Variants in LYRM4 observed in about 807,000 individuals in gnomAD.
LYRM4 encodes the protein LYR motif containing 4.
A neutral mutation model predicts 11.7 loss-of-function variants in LYRM4; 9 were observed. The observed-to-expected ratio is 0.77, with a 90% confidence interval of 0.46 to 1.34. LYRM4 has a LOEUF of 1.34. Among genes scored for constraint, LYRM4 ranks in the 40% most tolerant of loss-of-function variants. The pLI is 0.00. For missense variants in LYRM4, 133 were observed against 112.5 expected (o/e 1.18, Z -0.82); for synonymous variants, 42 against 40.4 (o/e 1.04, Z -0.15).
At chr6:5,065,422 C>T in the LYRM4 span, among the ~76,000 whole-genome samples, 3 of 152,186 alleles carry the variant, frequency 2.0e-5, no homozygotes, top group East Asian at 5.8e-4. Flanking sequence ...AACTGAAATG[C>T]AAAACAAATC....
At chr6:5,117,930 C>T (rs1429140286) in intron 2 of LYRM4, among the ~76,000 whole-genome samples, 3 of 151,868 alleles carry the variant, frequency 2.0e-5, no homozygotes, top group East Asian at 1.9e-4. Context: ...CCCTCCAAAA[C>T]GACGCACTGT....
At position 5,180,725 on chromosome 6, in the gene LYRM4, C is replaced by T. The variant is rs147937405; in HGVS notation, c.207+35893G>A. Among the ~76,000 whole-genome samples the T allele has an allele frequency of 1.3e-4, 20 of 152,320 alleles. No homozygotes were observed. In the South Asian group the frequency reaches 2.1e-3, roughly 16 times the overall value. On this transcript the variant is annotated intron_variant, in intron 2 of 2. Coordinates refer to ENST00000330636, the MANE Select transcript of LYRM4 (RefSeq NM_020408.6). Reference sequence around the variant, plus strand: ...CTGGTGACCAATCACTGCAGCGATGCTCTCGTGGATACCCTTGCTTCACCT... The same window carrying T: ...CTGGTGACCAATCACTGCAGCGATGTTCTCGTGGATACCCTTGCTTCACCT...
intron 2 of LYRM4, among the ~76,000 whole-genome samples, chr6:5,123,366 G>A (rs1367931525): frequency 2.6e-5 from 4 of 152,226 alleles, no homozygotes; most frequent in Non-Finnish European, 5.9e-5. Context: ...GGGACAGGGG[G>A]CGGTGAGCAG....
chr6:5,066,529 A>G, the LYRM4 span: 1 of 810,038 alleles, frequency 1.2e-6, no homozygotes, highest in Admixed American at 1.7e-5. Context: ...TCTATTTTAA[A>G]GAAGTCACAG....
At chr6:5,109,618 A>G (rs1762785956) in intron 2 of LYRM4, 127 bp from the exon 3 acceptor site, 1 of 911,902 alleles carries the variant, frequency 1.1e-6, no homozygotes, top group Non-Finnish European at 1.7e-6. Context: ...CCTTCCGGCA[A>G]CTGCACTGCG....
At chr6:5,087,807 C>T in the LYRM4 span, 1 of 152,474 alleles carries the variant, frequency 6.6e-6, no homozygotes, top group Admixed American at 6.5e-5. Flanking sequence ...ATGATGTGGC[C>T]CTCTGTGCAT....
downstream of LYRM4, chr6:5,103,894 C>T (rs2127590145): frequency 6.6e-6 from 1 of 151,754 alleles, no homozygotes; most frequent in Middle Eastern, 3.4e-3. Flanking sequence ...CCTCGGCTTC[C>T]CAAAGTGCTG....
Position 5,118,094 on chromosome 6 carries a change from A to ATATATATATATATATTTTTT in LYRM4, c.208-8604_208-8603insAAAAAATATATATATATATA. On this transcript the variant is annotated intron_variant, in intron 2 of 2. Transcript: ENST00000330636. ...TCACCAAAACAATATATATATATATATTTTTGTTTTGTTTTGTTTTGTTTT... is the reference window on the plus strand; with the variant it reads ...TCACCAAAACAATATATATATATATATATATATATATATATTTTTTTTTTTGTTTTGTTTTGTTTTGTTTT... 3.4e-3 allele frequency among the ~76,000 whole-genome samples: 294 copies of ATATATATATATATATTTTTT among 85,700 alleles called. 1 individual carries two copies. Among genetic ancestry groups the ATATATATATATATATTTTTT allele is most frequent in the Non-Finnish European group, 5.4e-3 (224 of 41,236 alleles). The allele number at this position is 85,700 out of a possible 152,430, so 56.2% of individuals were successfully genotyped here. A position where few individuals can be genotyped will look rare whatever the true frequency, so the allele number is the denominator to read the frequency against.
chr6:5,174,582 G>T (rs1457121493), intron 2 of LYRM4, among the ~76,000 whole-genome samples: 1 of 152,108 alleles, frequency 6.6e-6, no homozygotes, highest in Non-Finnish European at 1.5e-5. Context: ...TAAACTTAAT[G>T]GTTACTTCAA....
At chr6:5,142,333 C>T (rs1757452352) in intron 2 of LYRM4, among the ~76,000 whole-genome samples, 1 of 151,030 alleles carries the variant, frequency 6.6e-6, no homozygotes, top group African/African-American at 2.4e-5. Context: ...TGGCTGACAC[C>T]CTGGCCAGAC....
intron 1 of LYRM4, among the ~76,000 whole-genome samples, chr6:5,227,419 G>A (rs965492627): frequency 1.2e-4 from 18 of 152,264 alleles, no homozygotes; most frequent in African/African-American, 4.3e-4. Flanking sequence ...AGACAAGAAG[G>A]CAAATTGTAC....
chr6:5,245,105 A>T (rs1293205224), intron 1 of LYRM4, among the ~76,000 whole-genome samples: 18 of 56,788 alleles, frequency 3.2e-4, no homozygotes, highest in African/African-American at 1.0e-3. Flanking sequence ...AAAAAAAAAA[A>T]AAAAAAAAAT....
At chr6:5,137,517 T>C (rs1386979978) in intron 2 of LYRM4, among the ~76,000 whole-genome samples, 1 of 152,208 alleles carries the variant, frequency 6.6e-6, no homozygotes, top group Non-Finnish European at 1.5e-5. Flanking sequence ...TGTTCAGATT[T>C]GTACTCTGTA....
the LYRM4 span, among the ~76,000 whole-genome samples, chr6:5,061,266 T>G: frequency 6.6e-6 from 1 of 152,242 alleles, no homozygotes; most frequent in African/African-American, 2.4e-5. Flanking sequence ...CAAACCTGAT[T>G]TACTAGAAGT....
At chr6:5,245,110 AAAAATATATATATATATAT>A (rs1395286719) in intron 1 of LYRM4, among the ~76,000 whole-genome samples, 3 of 36,924 alleles carry the variant, frequency 8.1e-5, no homozygotes, top group Admixed American at 3.5e-4. Context: ...AAAAAAAAAA[AAAAATATATATATATATAT>A]ATATATATAT....
chr6:5,181,437 A>T (rs1479555311), intron 2 of LYRM4, among the ~76,000 whole-genome samples: 1 of 152,198 alleles, frequency 6.6e-6, no homozygotes, highest in Non-Finnish European at 1.5e-5. Context: ...GTCAACACAC[A>T]CAATACAATC....
At chr6:5,048,914 G>A in the LYRM4 span, among the ~76,000 whole-genome samples, 2 of 152,180 alleles carry the variant, frequency 1.3e-5, no homozygotes, top group South Asian at 2.1e-4. Context: ...AGAATTAGCA[G>A]GACTTGTTCC....
chr6:5,040,336 GATAGATAGATAGATAGATACATAC>G, the LYRM4 span, among the ~76,000 whole-genome samples: 1 of 139,308 alleles, frequency 7.2e-6, no homozygotes, highest in Non-Finnish European at 1.6e-5. Flanking sequence ...TAGATAGATA[GATAGATAGATAGATAGATACATAC>G]ATACATACAT....
the LYRM4 span, among the ~76,000 whole-genome samples, chr6:5,052,213 A>G: frequency 6.6e-6 from 1 of 151,912 alleles, no homozygotes; most frequent in African/African-American, 2.4e-5. Context: ...AAATATATAA[A>G]CAATTATAAA....
Sources: allele counts gnomAD v4.1 joint callset (sites outside exome capture counted in the v4.1 genomes callset), GRCh38; gene constraint gnomAD v4.1.1; transcripts MANE v1.5; gene names NCBI Gene and HGNC (gene_info 2026-07-23, HGNC 2026-07-21).